RANBP2: variants seen among roughly 807,000 people sequenced by gnomAD.
RANBP2 encodes the protein E3 SUMO-protein ligase RanBP2.
Under a neutral mutation model 303.6 loss-of-function variants are expected in RANBP2, and 57 were observed. The ratio of observed to expected loss-of-function variants is 0.19; its 90% confidence interval spans 0.15 to 0.23. The LOEUF is 0.23. Ranked by LOEUF, RANBP2 falls within the 10% of genes least tolerant of loss-of-function variation. The pLI is 1.00. For missense variants in RANBP2, 3,138 were observed against 3,780.8 expected, an observed-to-expected ratio of 0.83 and a Z score of 4.46; for synonymous variants, 1,167 against 1,301.5, an observed-to-expected ratio of 0.90 and a Z score of 2.23.
At chr2:109,148,001 A>G in the RANBP2 span, among the ~76,000 whole-genome samples, 1 of 152,332 alleles carries the variant, frequency 6.6e-6, no homozygotes, top group East Asian at 1.9e-4. Flanking sequence ...GGGCCCCTCA[A>G]AATCCATGGT....
chr2:109,348,784 T>TG, the RANBP2 span, among the ~76,000 whole-genome samples: 22 of 152,102 alleles, frequency 1.4e-4, no homozygotes, highest in African/African-American at 5.3e-4. Flanking sequence ...TCCTGTCTCT[T>TG]GTGTCTCCTC....
chr2:109,526,402 G>A, the RANBP2 span, among the ~76,000 whole-genome samples: 3 of 152,230 alleles, frequency 2.0e-5, no homozygotes, highest in East Asian at 5.8e-4. Flanking sequence ...CCACCTCTGG[G>A]GTTCAAGCAA....
chr2:108,869,268 A>T, the RANBP2 span, among the ~76,000 whole-genome samples: 1 of 152,190 alleles, frequency 6.6e-6, no homozygotes, highest in African/African-American at 2.4e-5. Flanking sequence ...ATGCAAAATG[A>T]TAGGACATTC....
the RANBP2 span, among the ~76,000 whole-genome samples, chr2:108,972,512 G>A: frequency 6.6e-6 from 1 of 152,238 alleles, no homozygotes; most frequent in African/African-American, 2.4e-5. Context: ...GCAAGGTCAG[G>A]CTGCAACGGG....
the RANBP2 span, among the ~76,000 whole-genome samples, chr2:108,956,095 T>A: frequency 6.6e-6 from 1 of 152,322 alleles, no homozygotes; most frequent in African/African-American, 2.4e-5. Flanking sequence ...GGTTTGACTG[T>A]TTCATTCCCT....
the RANBP2 span, among the ~76,000 whole-genome samples, chr2:109,563,494 C>T: frequency 0.46 from 69,285 of 151,980 alleles, 16,252 homozygotes; most frequent in African/African-American, 0.56. Flanking sequence ...AAGGATCTCA[C>T]GCTTTCCTGC....
At chr2:109,359,604 T>G in the RANBP2 span, among the ~76,000 whole-genome samples, 1 of 152,216 alleles carries the variant, frequency 6.6e-6, no homozygotes, top group Non-Finnish European at 1.5e-5. Flanking sequence ...TGTCCATTCC[T>G]GGTACAGGTT....
the RANBP2 span, among the ~76,000 whole-genome samples, chr2:109,202,746 C>T: frequency 2.6e-5 from 4 of 152,152 alleles, no homozygotes; most frequent in African/African-American, 9.7e-5. Context: ...GTGGGGCTGT[C>T]GACAGCCCTT....
chr2:109,677,270 C>T, the RANBP2 span, among the ~76,000 whole-genome samples: 1 of 152,188 alleles, frequency 6.6e-6, no homozygotes, highest in Non-Finnish European at 1.5e-5. Flanking sequence ...GGATAGGACC[C>T]ATTCAGATCC....
chr2:109,198,811 A>G, the RANBP2 span, among the ~76,000 whole-genome samples: 1 of 152,220 alleles, frequency 6.6e-6, no homozygotes, highest in Non-Finnish European at 1.5e-5. Context: ...TACCTAGGCT[A>G]CGTGGCACAG....
At chr2:108,758,013 C>G (rs1676445061) in intron 17 of RANBP2, among the ~76,000 whole-genome samples, 1 of 152,110 alleles carries the variant, frequency 6.6e-6, no homozygotes, top group Admixed American at 6.6e-5. Flanking sequence ...AAGATATAAT[C>G]AGGTCCGGGC....
chr2:109,210,721 C>T, the RANBP2 span, among the ~76,000 whole-genome samples: 16 of 152,306 alleles, frequency 1.1e-4, no homozygotes, highest in South Asian at 3.1e-3. Context: ...CCGGGGTTCT[C>T]TCTGGGTGTA....
chr2:109,648,620 G>A, the RANBP2 span, among the ~76,000 whole-genome samples: 1 of 151,312 alleles, frequency 6.6e-6, no homozygotes. Flanking sequence ...TGGGATTACA[G>A]GTGTGAACCA....
At chr2:109,706,017 C>T in the RANBP2 span, among the ~76,000 whole-genome samples, 1 of 152,100 alleles carries the variant, frequency 6.6e-6, no homozygotes, top group Non-Finnish European at 1.5e-5. Context: ...CATCTGGGTT[C>T]CTCTTTCTTA....
the RANBP2 span, among the ~76,000 whole-genome samples, chr2:109,094,120 G>C: frequency 6.6e-6 from 1 of 152,102 alleles, no homozygotes; most frequent in African/African-American, 2.4e-5. Context: ...TCAGCTCTTT[G>C]ATATTTCAGT....
chr2:109,195,298 A>T, the RANBP2 span, among the ~76,000 whole-genome samples: 5 of 152,300 alleles, frequency 3.3e-5, no homozygotes, highest in Non-Finnish European at 7.4e-5. Flanking sequence ...AGCTAGGGTC[A>T]TGTGGCAGGC....
the RANBP2 span, among the ~76,000 whole-genome samples, chr2:109,716,217 T>A: frequency 1.0e-3 from 153 of 152,206 alleles, 1 homozygote; most frequent in South Asian, 0.029. Context: ...TTATTTTTTT[T>A]AATTTTATTT....
At chr2:108,727,585 T>TA (rs1228290466) in intron 1 of RANBP2, among the ~76,000 whole-genome samples, 1 of 149,962 alleles carries the variant, frequency 6.7e-6, no homozygotes, top group Non-Finnish European at 1.5e-5. Flanking sequence ...GGATGGAACA[T>TA]ACTCTGGTTG....
the RANBP2 span, among the ~76,000 whole-genome samples, chr2:109,584,343 C>T: frequency 4.0e-5 from 6 of 151,890 alleles, no homozygotes; most frequent in African/African-American, 9.7e-5. Context: ...GGTGTGGTGG[C>T]AGGTGCCTGT....
Sources: allele counts gnomAD v4.1 joint callset (sites outside exome capture counted in the v4.1 genomes callset), GRCh38; gene constraint gnomAD v4.1.1; transcripts MANE v1.5; gene names NCBI Gene and HGNC (gene_info 2026-07-23, HGNC 2026-07-21).